Variants in FCHSD1 observed in about 807,000 individuals in gnomAD.
FCHSD1 encodes the protein F-BAR and double SH3 domains protein 1.
FCHSD1 carries 109 observed loss-of-function variants against 101.3 expected under a neutral mutation model. The observed-to-expected ratio is 1.08, with a 90% CI of 0.92 to 1.26. FCHSD1 has a LOEUF of 1.26. Ranked by LOEUF, FCHSD1 falls within the 50% of genes most tolerant of loss-of-function variation. The pLI is 0.00. For synonymous variants in FCHSD1, 291 were observed against 356.8 expected, an observed-to-expected ratio of 0.82 and a Z score of 2.08; for missense variants, 820 against 895.8, an observed-to-expected ratio of 0.92 and a Z score of 1.08.
At chr5:141,651,164 A>C (rs1266405291) in intron 1 of FCHSD1, 47 bp from the exon 2 acceptor site, 15 of 1,545,650 alleles carry the variant, frequency 9.7e-6, no homozygotes, top group Admixed American at 1.9e-5. Flanking sequence ...AGGACCTAAA[A>C]AACACTCCGC....
chr5:141,644,763 G>A (rs2099907444), intron 15 of FCHSD1, 73 bp from the exon 16 acceptor site: 2 of 1,604,850 alleles, frequency 1.2e-6, no homozygotes, highest in East Asian at 4.5e-5. Flanking sequence ...CTTCTACTCA[G>A]GCTTCTAGCT....
intron 3 of FCHSD1, 49 bp downstream of exon 3, chr5:141,650,310 T>C: frequency 1.9e-6 from 3 of 1,611,262 alleles, no homozygotes; most frequent in Non-Finnish European, 2.5e-6. Flanking sequence ...TTACTGGTGA[T>C]ATAAGAGAGG....
In FCHSD1 at chr5:141,640,940, T is replaced by G; in HGVS notation, c.*558A>C. 2 of 512,802 alleles carry G rather than the reference T, an allele frequency of 3.9e-6. No individual in the cohort carries two copies. The highest frequency in any genetic ancestry group is 6.9e-6 in the Non-Finnish European group (2 of 291,060). 31.8% of individuals were successfully genotyped at this position (512,802 alleles called of 1,614,324 possible). ...AGCGTGGCAGCTGGGAGCAGGCCCCTGCCCGTGGTGGGCCCCTAAAGCAAT... is the reference window on the plus strand; with the variant it reads ...AGCGTGGCAGCTGGGAGCAGGCCCCGGCCCGTGGTGGGCCCCTAAAGCAAT... On this transcript the variant is annotated 3_prime_UTR_variant, in exon 20 of 20. Coordinates refer to ENST00000435817, the MANE Select transcript of FCHSD1 (RefSeq NM_033449.3).
At position 141,647,429 on chromosome 5, in the gene FCHSD1, T is replaced by A; in HGVS notation, c.797A>T (p.His266Leu). The A allele has an allele frequency of 6.2e-7, 1 of 1,605,986 alleles. No homozygotes were observed. The highest frequency in any genetic ancestry group is 8.5e-7 in the Non-Finnish European group (1 of 1,175,812). The change falls in exon 9 of 20, where the codon CAT (histidine) becomes CTT (leucine). Residue 266 changes from histidine to leucine, a missense_variant. Physicochemically the swap from His to Leu is moderately conservative, Grantham distance 99. Transcript: ENST00000435817. ...ELEAAEVILE[H>L]AHRGEQTTSQ... ...GGTTGTCTGCTCCCCGCGGTGGGCATGCTCCAGGATGACCTCTGCGGCTTC... is the reference window on the plus strand; with the variant it reads ...GGTTGTCTGCTCCCCGCGGTGGGCAAGCTCCAGGATGACCTCTGCGGCTTC...
Position 141,640,912 on chromosome 5 carries a change from T to TA in FCHSD1, c.*585dup. The TA allele has an allele frequency of 1.8e-6, 1 of 546,992 alleles. No individual in the cohort carries two copies. Among genetic ancestry groups the TA allele is most frequent in the Non-Finnish European group, 3.2e-6 (1 of 309,480 alleles). The allele number at this position is 546,992 out of a possible 1,614,324, so 33.9% of individuals were successfully genotyped here. On this transcript the variant is annotated 3_prime_UTR_variant, in exon 20 of 20. Coordinates refer to ENST00000435817, the MANE Select transcript of FCHSD1 (RefSeq NM_033449.3). Reference sequence around the variant, plus strand: ...TTCCCCAACACCTCGCTCCATATGATAGAGCGTGGCAGCTGGGAGCAGGCC... The same window carrying TA: ...TTCCCCAACACCTCGCTCCATATGATAAGAGCGTGGCAGCTGGGAGCAGGCC...
rs73794956 is a variant in FCHSD1, at chr5:141,648,224, T to A, written c.577-128A>T. On this transcript the variant is annotated intron_variant, in intron 7 of 19. Transcript: ENST00000435817. Reference sequence around the variant, plus strand: ...GCTTACTATGTGCCTGGCACTACACTAAAAATGTTGCATACACACAACTCC... The same window carrying A: ...GCTTACTATGTGCCTGGCACTACACAAAAAATGTTGCATACACACAACTCC... 160,903 of 1,184,570 alleles carry A rather than the reference T, an allele frequency of 0.14. 11,519 individuals carry two copies. The highest frequency in any genetic ancestry group is 0.18 in the South Asian group (10,724 of 59,208). The allele number at this position is 1,184,570 out of a possible 1,614,324, so 73.4% of individuals were successfully genotyped here. A position where few individuals can be genotyped will look rare whatever the true frequency, so the allele number is the denominator to read the frequency against.
Position 141,649,360 on chromosome 5 carries a change from C to G in FCHSD1, c.375+35G>C. The G allele has an allele frequency of 6.2e-7, 1 of 1,613,840 alleles. No homozygotes were observed. Among genetic ancestry groups the G allele is most frequent in the Non-Finnish European group, 8.5e-7 (1 of 1,179,752 alleles). ...TACCTAGACCACCTTTGGTCCCAAG[C>G]CAGCTCTTCCTTCACCCCAACCTCT... On this transcript the variant is annotated intron_variant, in intron 5 of 19. Transcript: ENST00000435817. The surrounding 1 kb of genome is among the most constrained non-coding windows in gnomAD (Gnocchi z 4.1).
In FCHSD1 at chr5:141,641,174, G is replaced by A. The variant is rs2099906850; in HGVS notation, c.*324C>T. On this transcript the variant is annotated 3_prime_UTR_variant, in exon 20 of 20. Transcript: ENST00000435817. The stretch of plus-strand genomic sequence containing the variant: ...GAGTGGGGTGGGTCATGGAGCCAGG[G>A]TGGGGAAAGAGGTGGGCCAGAACTA... 2 of 346,340 alleles carry A rather than the reference G, an allele frequency of 5.8e-6. No homozygotes were observed. Among genetic ancestry groups the A allele is most frequent in the Non-Finnish European group, 1.0e-5 (2 of 191,674 alleles). The allele number at this position is 346,340 out of a possible 1,614,324, so 21.5% of individuals were successfully genotyped here.
Position 141,648,952 on chromosome 5 carries a change from C to T in FCHSD1, c.576+5G>A, listed in dbSNP as rs753183915. 5.6e-6 allele frequency: 9 copies of T among 1,613,840 alleles called. No homozygotes were observed. Among genetic ancestry groups the T allele is most frequent in the Middle Eastern group, 1.6e-4 (1 of 6,084 alleles). ...TGCCCCCACTCATGCCCTCATCCCT[C>T]GAACCTTGGTGCTCAGTTTCTGGAG... is the stretch of plus-strand genomic sequence containing the variant. On this transcript the variant is annotated splice_donor_5th_base_variant and intron_variant, in intron 7 of 19. Transcript: ENST00000435817.
Position 141,645,076 on chromosome 5 carries a change from G to C in FCHSD1, c.1384C>G (p.Gln462Glu), listed in dbSNP as rs772724013. 9 of 1,590,984 alleles carry C rather than the reference G, an allele frequency of 5.7e-6. No individual in the cohort carries two copies. The highest frequency in any genetic ancestry group is 3.4e-5 in the Admixed American group (2 of 58,162). ...TGELFEEPAPQALATRALPCP... is the reference protein window; with the variant it reads ...TGELFEEPAPEALATRALPCP... Reference sequence around the variant, plus strand: ...GGGAGGGCCCTCGTGGCCAGGGCTTGGGGGGCAGGCTCCTCAAAGAGCTCT... The same window carrying C: ...GGGAGGGCCCTCGTGGCCAGGGCTTCGGGGGCAGGCTCCTCAAAGAGCTCT... The change falls in exon 14 of 20, where the codon CAA becomes GAA. Residue 462 changes from glutamine (Q) to glutamate (E), a missense_variant. Coordinates refer to ENST00000435817, the MANE Select transcript of FCHSD1 (RefSeq NM_033449.3).
rs756511233 is a variant in FCHSD1 at position 141,646,098 on chromosome 5, G to A, written c.1138C>T (p.Arg380Cys). 1.2e-5 allele frequency: 20 copies of A among 1,610,324 alleles called. No individual in the cohort carries two copies. The highest frequency in any genetic ancestry group is 6.7e-5 in the African/African-American group (5 of 74,850). Residue 380 changes from arginine (R) to cysteine (C), a missense_variant, in exon 12 of 20, where the codon CGC becomes TGC. Arg to Cys is a radical substitution (Grantham distance 180). Transcript: ENST00000435817. Reference sequence around the variant, plus strand: ...GGGGTGTGCCTCACCTGTGCCCGGCGGATGCTCTCTCGCACTTCCTGTAAC... The same window carrying A: ...GGGGTGTGCCTCACCTGTGCCCGGCAGATGCTCTCTCGCACTTCCTGTAAC... ...QRLQEVRESIRRAQVSQVKGA... is the reference protein window; with the variant it reads ...QRLQEVRESICRAQVSQVKGA...
chr5:141,651,146 C>T (rs1280829109), intron 1 of FCHSD1, 29 bp from the exon 2 acceptor site: 2 of 1,561,714 alleles, frequency 1.3e-6, no homozygotes, highest in African/African-American at 2.7e-5. Context: ...GATGAAGACC[C>T]CAGCGCAAGG....
rs541342592 is a variant in FCHSD1, at chr5:141,644,338, A to G, written c.1743T>C (p.Asp581=). 134 of 1,613,950 alleles carry G rather than the reference A, an allele frequency of 8.3e-5. 2 individuals carry two copies. The South Asian group carries it at 1.4e-3, about 16-fold the overall frequency. ...ALIRLLPRAQ[D]GVDDGFWRGE... ...CCCTCCAGAAGCCGTCATCTACTCC[A>G]TCTTGGGCCCGGGGCAGCAGACGGA... The change falls in exon 17 of 20, where the codon GAT becomes GAC. Residue 581 remains aspartate (D), a synonymous_variant. Transcript: ENST00000435817.
At chr5:141,642,970 C>T in intron 18 of FCHSD1, 31 bp downstream of exon 18, 5 of 1,545,244 alleles carry the variant, frequency 3.2e-6, no homozygotes, top group Non-Finnish European at 4.4e-6. Flanking sequence ...TGTCTGTTAG[C>T]CTCCCAAGGC....
Position 141,646,137 on chromosome 5 carries a change from T to C in FCHSD1, c.1099A>G (p.Ser367Gly), listed in dbSNP as rs1275000962. 39 of 1,612,392 alleles carry C rather than the reference T, an allele frequency of 2.4e-5. No individual in the cohort carries two copies. The highest frequency in any genetic ancestry group is 3.3e-5 in the Non-Finnish European group (39 of 1,179,388). ...ACTTCCTGTAACCTCTGTTCTATGC[T>C]TGGAGCCTCCCGCTCTGAAGCCTGC... is the stretch of plus-strand genomic sequence containing the variant. ...RQQASEREAP[S>G]IEQRLQEVRE... The change falls in exon 12 of 20, where the codon AGC becomes GGC. Residue 367 changes from serine (S) to glycine (G), a missense_variant. Ser to Gly is a moderately conservative substitution (Grantham distance 56, BLOSUM62 0). Transcript: ENST00000435817.
chr5:141,645,815 G>A lies in FCHSD1; in HGVS notation c.1267C>T (p.Arg423Trp), dbSNP rs752063289. The A allele has an allele frequency of 1.9e-5, 30 of 1,609,860 alleles. No individual in the cohort carries two copies. Among genetic ancestry groups the A allele is most frequent in the African/African-American group, 4.0e-5 (3 of 74,886 alleles). Residue 423 changes from arginine (R) to tryptophan (W), a missense_variant, in exon 13 of 20, where the codon CGG becomes TGG. Physicochemically the swap from Arg to Trp is moderately radical, Grantham distance 101. Coordinates refer to ENST00000435817, the MANE Select transcript of FCHSD1 (RefSeq NM_033449.3). ...QAQDEVEQERRLSEARLSQRD... is the reference protein window; with the variant it reads ...QAQDEVEQERWLSEARLSQRD... ...TGGGACAGCCGAGCCTCACTGAGCC[G>A]CCGCTCCTGCTCCACCTCATCCTGG...
At chr5:141,651,317 G>A (rs1163095661) in intron 1 of FCHSD1, 31 bp downstream of exon 1, 2 of 1,552,452 alleles carry the variant, frequency 1.3e-6, no homozygotes, top group African/African-American at 2.7e-5. Context: ...CCCCCAGCCC[G>A]CCAGGAGTCC....
chr5:141,642,740 G>T, intron 18 of FCHSD1: 1 of 545,144 alleles, frequency 1.8e-6, no homozygotes, highest in East Asian at 3.2e-5. Flanking sequence ...ACTCTCATAA[G>T]AATTCAATAA....
At position 141,646,149 on chromosome 5, in the gene FCHSD1, G is replaced by C. The variant is rs1024781960; in HGVS notation, c.1087C>G (p.Arg363Gly). 6.2e-7 allele frequency: 1 copy of C among 1,611,484 alleles called. No individual in the cohort carries two copies. Among genetic ancestry groups the C allele is most frequent in the East Asian group, 2.2e-5 (1 of 44,798 alleles). ...LEQRRQQASE[R>G]EAPSIEQRLQ... ...CTCTGTTCTATGCTTGGAGCCTCCC[G>C]CTCTGAAGCCTGCTGCCGCCTCTGC... The change falls in exon 12 of 20, where the codon CGG becomes GGG. Residue 363 changes from arginine (R) to glycine (G), a missense_variant. Arg to Gly is a moderately radical substitution (Grantham distance 125). Transcript: ENST00000435817.
Sources: gnomAD v4.1 joint callset for allele counts on GRCh38, gnomAD v4.1.1 for gene constraint, Gnocchi (gnomAD v3.1) non-coding constraint, MANE v1.5 for transcripts, NCBI Gene and HGNC (gene_info 2026-07-23, HGNC 2026-07-21) for gene names.